The following TOX variants were observed in gnomAD, a reference collection of about 807,000 sequenced individuals.
TOX encodes the protein thymocyte selection associated high mobility group box.
Under a neutral mutation model 53.7 loss-of-function variants are expected in TOX, and 11 were observed. The ratio of observed to expected loss-of-function variants is 0.20; its 90% CI spans 0.13 to 0.34. TOX has a LOEUF of 0.34. Among genes scored for constraint, TOX ranks in the 10% least tolerant of loss-of-function variants. TOX has a pLI of 1.00. For missense variants in TOX, 570 were observed against 664.6 expected (o/e 0.86, Z 1.56); for synonymous variants, 225 against 245.3 (o/e 0.92, Z 0.77).
At chr8:58,821,285 G>A (rs1810270978) in intron 6 of TOX, among the ~76,000 whole-genome samples, 1 of 151,898 alleles carries the variant, frequency 6.6e-6, no homozygotes, top group Non-Finnish European at 1.5e-5. Context: ...TCAATGATAT[G>A]CAAATCTTTC....
At chr8:58,908,258 T>C (rs932148077) in intron 3 of TOX, among the ~76,000 whole-genome samples, 3 of 152,184 alleles carry the variant, frequency 2.0e-5, no homozygotes, top group Non-Finnish European at 4.4e-5. Flanking sequence ...AGATGGGGAA[T>C]CTGGACGTCA....
Position 58,851,835 on chromosome 8 carries a change from A to C in TOX, c.412-30T>G, listed in dbSNP as rs1483780022. The C allele has an allele frequency of 7.8e-7, 1 of 1,277,814 alleles. No individual in the cohort carries two copies. The highest frequency in any genetic ancestry group is 1.0e-6 in the Non-Finnish European group (1 of 1,001,998). 79.2% of individuals were successfully genotyped at this position (1,277,814 alleles called of 1,614,324 possible). On this transcript the variant is annotated intron_variant, in intron 3 of 8. Coordinates refer to ENST00000361421, the MANE Select transcript of TOX (RefSeq NM_014729.3). This position sits in a 1 kb window ranked among gnomAD's most constrained non-coding sequence, Gnocchi z 4.4. The stretch of plus-strand genomic sequence containing the variant: ...AATAAATAAATAAATAAATAAATAA[A>C]TAAATAAATAAATAGGAAAGGAGTA...
intron 1 of TOX, among the ~76,000 whole-genome samples, chr8:59,039,242 C>T (rs951904813): frequency 6.6e-6 from 1 of 152,224 alleles, no homozygotes; most frequent in Non-Finnish European, 1.5e-5. Context: ...ACTCAACCAA[C>T]CTTCATCAAA....
intron 1 of TOX, among the ~76,000 whole-genome samples, chr8:59,078,697 G>A (rs1481250782): frequency 6.6e-6 from 1 of 152,198 alleles, no homozygotes; most frequent in Non-Finnish European, 1.5e-5. Context: ...GTACCTAGGA[G>A]TGGGGCTTTG....
At chr8:58,968,883 T>C (rs1002093057) in intron 1 of TOX, among the ~76,000 whole-genome samples, 6 of 152,256 alleles carry the variant, frequency 3.9e-5, no homozygotes, top group African/African-American at 1.4e-4. Context: ...ACAGAGAAGT[T>C]GTATTTAGGT....
At position 58,882,263 on chromosome 8, in the gene TOX, C is replaced by T. The variant is rs184966350; in HGVS notation, c.412-30458G>A. ...CATCCTAACATCCTAACATATACTCCTTGTTTGAACTCTTGTTTTTTCTTG... is the reference window on the plus strand; with the variant it reads ...CATCCTAACATCCTAACATATACTCTTTGTTTGAACTCTTGTTTTTTCTTG... On this transcript the variant is annotated intron_variant, in intron 3 of 8. Transcript: ENST00000361421. Among the ~76,000 whole-genome samples, 9 of 152,300 alleles carry T rather than the reference C, an allele frequency of 5.9e-5. No individual in the cohort carries two copies. The East Asian group carries it at 1.7e-3, about 29-fold the overall frequency.
At chr8:58,945,963 G>A (rs1426112283) in intron 2 of TOX, among the ~76,000 whole-genome samples, 1 of 151,872 alleles carries the variant, frequency 6.6e-6, no homozygotes, top group Non-Finnish European at 1.5e-5. Context: ...GAATTCAAAA[G>A]ATATCATCTC....
At chr8:58,830,738 A>G (rs1810439863) in intron 5 of TOX, among the ~76,000 whole-genome samples, 1 of 152,166 alleles carries the variant, frequency 6.6e-6, no homozygotes, top group African/African-American at 2.4e-5. Context: ...TAATAAGAAG[A>G]AAAAATGTAA....
chr8:58,832,640 C>T (rs1041103426), intron 5 of TOX, among the ~76,000 whole-genome samples: 1 of 152,128 alleles, frequency 6.6e-6, no homozygotes, highest in African/African-American at 2.4e-5. Context: ...CTTCATATCC[C>T]TGCTGCTTCT....
At chr8:59,041,771 A>C (rs1346989672) in intron 1 of TOX, among the ~76,000 whole-genome samples, 1 of 152,238 alleles carries the variant, frequency 6.6e-6, no homozygotes, top group Non-Finnish European at 1.5e-5. Context: ...CGTTATTACA[A>C]GAGTTAATTT....
At chr8:59,083,132 G>A (rs1804440498) in intron 1 of TOX, among the ~76,000 whole-genome samples, 1 of 152,142 alleles carries the variant, frequency 6.6e-6, no homozygotes, top group South Asian at 2.1e-4. Context: ...CCCAAGAAGA[G>A]TTGTCTTAAT....
chr8:58,946,077 A>G (rs140662742), intron 2 of TOX, among the ~76,000 whole-genome samples: 1 of 152,292 alleles, frequency 6.6e-6, no homozygotes, highest in African/African-American at 2.4e-5. Context: ...ATAGAACTGT[A>G]TTTGAAAGAT....
chr8:59,025,563 C>T (rs549269206), intron 1 of TOX, among the ~76,000 whole-genome samples: 1 of 152,238 alleles, frequency 6.6e-6, no homozygotes, highest in East Asian at 1.9e-4. Context: ...CCATTCTAAC[C>T]TGATAAATGC....
At chr8:58,855,762 C>T (rs1329676284) in intron 3 of TOX, among the ~76,000 whole-genome samples, 1 of 152,182 alleles carries the variant, frequency 6.6e-6, no homozygotes, top group East Asian at 1.9e-4. Context: ...GAAACTCACA[C>T]CTATAACCAT....
intron 3 of TOX, among the ~76,000 whole-genome samples, chr8:58,922,517 TACAC>T (rs1812090465): frequency 6.6e-6 from 1 of 152,098 alleles, no homozygotes; most frequent in Non-Finnish European, 1.5e-5. Flanking sequence ...AGATAGGTGT[TACAC>T]ACACACAAAC....
intron 2 of TOX, among the ~76,000 whole-genome samples, chr8:58,944,653 G>A (rs1375982209): frequency 2.6e-5 from 4 of 152,096 alleles, no homozygotes; most frequent in African/African-American, 4.8e-5. Flanking sequence ...TAAAAACCAC[G>A]GGGTTCTTAT....
intron 4 of TOX, among the ~76,000 whole-genome samples, chr8:58,850,295 G>T (rs1810789273): frequency 6.6e-6 from 1 of 152,204 alleles, no homozygotes; most frequent in African/African-American, 2.4e-5. Flanking sequence ...GCACAGCAGA[G>T]CCCACAGGGC....
chr8:58,817,950 T>C (rs769512117), intron 6 of TOX, among the ~76,000 whole-genome samples: 7 of 152,136 alleles, frequency 4.6e-5, no homozygotes, highest in Non-Finnish European at 8.8e-5. Flanking sequence ...GAATTCAAAA[T>C]AAACAATGAA....
intron 1 of TOX, among the ~76,000 whole-genome samples, chr8:59,039,344 T>C (rs550725987): frequency 1.6e-4 from 25 of 152,352 alleles, no homozygotes; most frequent in African/African-American, 6.0e-4. Context: ...CTAATGAATC[T>C]AAAAACTGTG....
Sources: allele counts gnomAD v4.1 joint callset (sites outside exome capture counted in the v4.1 genomes callset), GRCh38; gene constraint gnomAD v4.1.1; non-coding constraint Gnocchi (gnomAD v3.1); transcripts MANE v1.5; gene names NCBI Gene and HGNC (gene_info 2026-07-23, HGNC 2026-07-21).